The following WRN variants were observed in gnomAD, a reference collection of about 807,000 sequenced individuals.
WRN encodes WRN RecQ like helicase, also known as bifunctional 3'-5' exonuclease/ATP-dependent helicase WRN.
Under a neutral mutation model 180.7 loss-of-function variants are expected in WRN, and 149 were observed. The ratio of observed to expected loss-of-function variants is 0.82; its 90% CI spans 0.72 to 0.94. WRN has a LOEUF of 0.94. Among genes scored for constraint, WRN ranks in the 40% least tolerant of loss-of-function variants. The pLI, the probability that WRN is intolerant of heterozygous loss-of-function variation, is 0.00. For missense variants in WRN, 1,661 were observed against 1,700.1 expected, an observed-to-expected ratio of 0.98 and a Z score of 0.40; for synonymous variants, 548 against 568.9, an observed-to-expected ratio of 0.96 and a Z score of 0.52.
At chr8:31,068,112 A>G (rs1004168547) in intron 6 of WRN, 146 bp from the exon 7 acceptor site, 5 of 629,340 alleles carry the variant, frequency 7.9e-6, no homozygotes, top group Non-Finnish European at 1.1e-5. Context: ...AAATGAGGAC[A>G]TATTGATATT....
At chr8:31,165,175 TTTG>T (rs1803804166) in intron 33 of WRN, among the ~76,000 whole-genome samples, 1 of 152,080 alleles carries the variant, frequency 6.6e-6, no homozygotes, top group South Asian at 2.1e-4. Flanking sequence ...TTAAAATTAA[TTTG>T]TTTAGCGCAT....
rs1563331396 is a variant in WRN, at chr8:31,067,152, C to G, written c.624C>G (p.Asp208Glu). 1.2e-6 allele frequency: 2 copies of G among 1,613,824 alleles called. No individual in the cohort carries two copies. Residue 208 changes from aspartate (D) to glutamate (E), a missense_variant, in exon 6 of 35, where the codon GAC (aspartate) becomes GAG (glutamate). Around this residue, in one of 3 missense-constraint regions of WRN, gnomAD observed 500 missense variants for 504.1 expected, o/e 0.99. Coordinates refer to ENST00000298139, the MANE Select transcript of WRN (RefSeq NM_000553.6). ...GGAGTAAATTTCCTCTCACTGAGGA[C>G]CAGAAACTGTATGCAGCCACTGATG... Reference protein sequence around the residue: ...SNWSKFPLTEDQKLYAATDAY... With the variant: ...SNWSKFPLTEEQKLYAATDAY...
Position 31,081,277 on chromosome 8 carries a change from T to C in WRN, c.1250T>C (p.Ile417Thr), listed in dbSNP as rs1295448612. Residue 417 changes from isoleucine to threonine, a missense_variant, in exon 9 of 35, where the codon ATT (isoleucine) becomes ACT (threonine). Ile to Thr is a moderately conservative substitution (Grantham distance 89). Around this residue, in one of 3 missense-constraint regions of WRN, gnomAD observed 500 missense variants for 504.1 expected, o/e 0.99. Transcript: ENST00000298139. ...QQSQEEYLSD[I>T]AYKSTEHLSP... is the part of the protein sequence containing the mutation. ...TCTCAGGAAGAATATCTTAGTGATATTGCTTATAAATCTACTGAGGTACTA... is the reference window on the plus strand; with the variant it reads ...TCTCAGGAAGAATATCTTAGTGATACTGCTTATAAATCTACTGAGGTACTA... 2 of 1,613,528 alleles carry C rather than the reference T, an allele frequency of 1.2e-6. No individual in the cohort carries two copies. The highest frequency in any genetic ancestry group is 1.1e-5 in the South Asian group (1 of 91,024).
chr8:31,125,060 G>A, intron 23 of WRN, 60 bp downstream of exon 23: 1 of 1,500,106 alleles, frequency 6.7e-7, no homozygotes, highest in South Asian at 1.2e-5. Context: ...TCCTTTTCAT[G>A]TTTAACTGAA....
At chr8:31,080,789 T>A in intron 8 of WRN, 78 bp from the exon 9 acceptor site, 4 of 1,234,466 alleles carry the variant, frequency 3.2e-6, no homozygotes, top group Non-Finnish European at 4.5e-6. Context: ...AAGCTTTTAC[T>A]TGTTAAAAAG....
chr8:31,163,720 T>C (rs935222185), intron 33 of WRN, among the ~76,000 whole-genome samples: 2 of 152,152 alleles, frequency 1.3e-5, no homozygotes, highest in African/African-American at 2.4e-5. Flanking sequence ...TCTTAAGATA[T>C]ACTTACTAAA....
In WRN at chr8:31,147,129, G is replaced by A. The variant is rs1241888415; in HGVS notation, c.3459+1G>A. On this transcript the variant is annotated splice_donor_variant, in intron 29 of 34. Transcript: ENST00000298139. LOFTEE classifies it high-confidence loss of function. ...TTCGGCACAAGAGCAGGAGACTCAG[G>A]TAAGGCTTTTGTAAAAAGGTAATTA... 1 of 1,613,648 alleles carries A rather than the reference G, an allele frequency of 6.2e-7. No homozygotes were observed. The highest frequency in any genetic ancestry group is 1.3e-5 in the African/African-American group (1 of 75,026).
At chr8:31,084,744 A>G (rs1813457296) in intron 10 of WRN, among the ~76,000 whole-genome samples, 1 of 152,196 alleles carries the variant, frequency 6.6e-6, no homozygotes, top group Non-Finnish European at 1.5e-5. Flanking sequence ...TACAGTCAGT[A>G]GTTTTTTGCA....
intron 30 of WRN, among the ~76,000 whole-genome samples, chr8:31,149,009 G>A (rs1802980853): frequency 6.6e-6 from 1 of 152,100 alleles, no homozygotes; most frequent in South Asian, 2.1e-4. Flanking sequence ...AATTGTTTCT[G>A]TCACTAAATT....
At chr8:31,115,501 A>G (rs1006450979) in intron 19 of WRN, among the ~76,000 whole-genome samples, 21 of 152,196 alleles carry the variant, frequency 1.4e-4, no homozygotes. Flanking sequence ...TACTATTATA[A>G]TGTTGCAGTG....
At chr8:31,167,720 A>G (rs1469292965) in intron 34 of WRN, among the ~76,000 whole-genome samples, 1 of 152,112 alleles carries the variant, frequency 6.6e-6, no homozygotes, top group Non-Finnish European at 1.5e-5. Flanking sequence ...GATGAGAGAA[A>G]GATTACAAAT....
chr8:31,117,472 C>G (rs1426533443), intron 20 of WRN, among the ~76,000 whole-genome samples: 1 of 152,080 alleles, frequency 6.6e-6, no homozygotes, highest in Admixed American at 6.6e-5. Context: ...AGTTGAGATT[C>G]CTGACCTGAT....
intron 27 of WRN, 83 bp downstream of exon 27, chr8:31,142,784 T>C: frequency 7.8e-7 from 1 of 1,287,572 alleles, no homozygotes; most frequent in African/African-American, 1.5e-5. Flanking sequence ...TTAATTCCTT[T>C]CCAATTAAAG....
In WRN at chr8:31,075,063, A is replaced by G. The variant is rs577187966; in HGVS notation, c.725-1110A>G. 3.9e-5 allele frequency among the ~76,000 whole-genome samples: 6 copies of G among 152,286 alleles called. No homozygotes were observed. The South Asian group carries it at 1.2e-3, about 32-fold the overall frequency. ...TCTGTTGAAGAAAAGATTGTCGGAA[A>G]TGCAGGGGTCAAGGAACTGGCCTGT... On this transcript the variant is annotated intron_variant, in intron 7 of 34. Transcript: ENST00000298139.
At chr8:31,087,204 T>C (rs1267019348) in intron 11 of WRN, among the ~76,000 whole-genome samples, 1 of 152,198 alleles carries the variant, frequency 6.6e-6, no homozygotes, top group African/African-American at 2.4e-5. Context: ...TTGAAATAGA[T>C]AATCTTTATT....
intron 1 of WRN, 134 bp downstream of exon 1, chr8:31,034,107 A>G (rs1342973829): frequency 1.3e-5 from 2 of 152,218 alleles, no homozygotes; most frequent in African/African-American, 2.4e-5. Flanking sequence ...ATTCTGGAAA[A>G]ACAGACTTTC....
At chr8:31,036,792 T>A (rs1224743779) in intron 1 of WRN, among the ~76,000 whole-genome samples, 2 of 152,232 alleles carry the variant, frequency 1.3e-5, no homozygotes, top group Non-Finnish European at 2.9e-5. Flanking sequence ...TGCAAATATT[T>A]TATCCGATTC....
In WRN at chr8:31,147,487, T is replaced by C; in HGVS notation, c.3572+11T>C. ...TATGGCCAAAATGAGGTAAACTATCTTTTGCATGTGTTCTATTTATTTCCT... is the reference window on the plus strand; with the variant it reads ...TATGGCCAAAATGAGGTAAACTATCCTTTGCATGTGTTCTATTTATTTCCT... On this transcript the variant is annotated intron_variant, in intron 30 of 34. Coordinates refer to ENST00000298139, the MANE Select transcript of WRN (RefSeq NM_000553.6). The C allele has an allele frequency of 6.6e-7, 1 of 1,514,214 alleles. No individual in the cohort carries two copies. Among genetic ancestry groups the C allele is most frequent in the Non-Finnish European group, 8.8e-7 (1 of 1,135,950 alleles). The allele number at this position is 1,514,214 out of a possible 1,614,324, so 93.8% of individuals were successfully genotyped here.
chr8:31,136,254 A>G (rs1353859870), intron 24 of WRN, among the ~76,000 whole-genome samples: 1 of 152,226 alleles, frequency 6.6e-6, no homozygotes, highest in Non-Finnish European at 1.5e-5. Flanking sequence ...TGGCTTCCCA[A>G]GATATTGGCA....
Sources: allele counts gnomAD v4.1 joint callset (sites outside exome capture counted in the v4.1 genomes callset), GRCh38; gene constraint gnomAD v4.1.1; regional missense constraint gnomAD v4.1.1; transcripts MANE v1.5; gene names NCBI Gene and HGNC (gene_info 2026-07-23, HGNC 2026-07-21).